The following EIF4G3 variants were observed in gnomAD, a reference collection of about 807,000 sequenced individuals.
EIF4G3 encodes the protein eIF-4-gamma 3.
EIF4G3 carries 34 observed loss-of-function variants against 186.4 expected under a neutral mutation model. That is an observed-to-expected ratio of 0.18 (90% CI 0.14 to 0.24). The LOEUF (loss-of-function observed/expected upper bound fraction) is 0.24, where lower values mean the gene tolerates loss of function less well. Ranked by LOEUF, EIF4G3 falls within the 10% of genes least tolerant of loss-of-function variation. EIF4G3 has a pLI of 1.00. For synonymous variants in EIF4G3, 673 were observed against 679.5 expected, an observed-to-expected ratio of 0.99 and a Z score of 0.15; for missense variants, 1,536 against 1,948.5, an observed-to-expected ratio of 0.79 and a Z score of 3.99.
At chr1:21,025,443 G>C (rs903559269) in intron 4 of EIF4G3, among the ~76,000 whole-genome samples, 5 of 150,844 alleles carry the variant, frequency 3.3e-5, no homozygotes, top group Admixed American at 1.3e-4. Context: ...AGTGGATCTC[G>C]ACAGAAAAAA....
chr1:20,847,415 A>G (rs2071503456), intron 29 of EIF4G3, among the ~76,000 whole-genome samples: 1 of 152,124 alleles, frequency 6.6e-6, no homozygotes, highest in Admixed American at 6.6e-5. Flanking sequence ...ATGATTCTCC[A>G]AAGAGTCCTC....
intron 2 of EIF4G3, among the ~76,000 whole-genome samples, chr1:21,123,997 A>T (rs1055314955): frequency 1.3e-5 from 2 of 152,112 alleles, no homozygotes; most frequent in Admixed American, 6.5e-5. Flanking sequence ...TCTTCCTCAA[A>T]TTCAAGGTGT....
At position 21,058,421 on chromosome 1, in the gene EIF4G3, T is replaced by A. The variant is rs6670854; in HGVS notation, c.-195-7427A>T. Among the ~76,000 whole-genome samples, 1,049 of 152,226 alleles carry A rather than the reference T, an allele frequency of 6.9e-3. 10 individuals are homozygous for A. Among genetic ancestry groups the A allele is most frequent in the African/African-American group, 0.024 (1,005 of 41,514 alleles). ...AATTGTCCTGACTTCCCATACACAC[T>A]ACAAGCCAAATAAACCATATATTGG... On this transcript the variant is annotated intron_variant, in intron 3 of 36. Coordinates refer to ENST00000602326, the MANE Select transcript of EIF4G3 (RefSeq NM_001391906.1).
chr1:21,059,834 G>A (rs2094792803), intron 3 of EIF4G3, among the ~76,000 whole-genome samples: 1 of 152,100 alleles, frequency 6.6e-6, no homozygotes, highest in South Asian at 2.1e-4. Flanking sequence ...AAAATTGGAG[G>A]GTCAGTAACA....
chr1:20,883,164 AAC>A (rs1373682593), intron 19 of EIF4G3, among the ~76,000 whole-genome samples: 1 of 152,206 alleles, frequency 6.6e-6, no homozygotes, highest in African/African-American at 2.4e-5. Context: ...TGAAGCACGA[AAC>A]ACAGTTATTG....
In EIF4G3 at chr1:20,886,225, A is replaced by G. The variant is rs779983311; in HGVS notation, c.2400T>C (p.Asp800=). The G allele has an allele frequency of 7.3e-5, 117 of 1,613,708 alleles. No individual in the cohort carries two copies. Among genetic ancestry groups the G allele is most frequent in the Non-Finnish European group, 9.6e-5 (113 of 1,179,850 alleles). The change falls in exon 19 of 37, where the codon GAT becomes GAC. Residue 800 remains aspartate, a synonymous_variant. Coordinates refer to ENST00000602326, the MANE Select transcript of EIF4G3 (RefSeq NM_001391906.1). Reference sequence around the variant, plus strand: ...CCTGGGTTTTAATGTTTTCGGGATCATCGGCTTGGCTGTCTCGTTTTTGGC... The same window carrying G: ...CCTGGGTTTTAATGTTTTCGGGATCGTCGGCTTGGCTGTCTCGTTTTTGGC... The part of the protein sequence containing the change: ...KPSQKRDSQA[D]DPENIKTQEL...
At chr1:21,104,594 C>T (rs774359445) in intron 2 of EIF4G3, among the ~76,000 whole-genome samples, 3 of 152,120 alleles carry the variant, frequency 2.0e-5, no homozygotes, top group Non-Finnish European at 4.4e-5. Flanking sequence ...TGTTGCGGAG[C>T]AAAGGGAATG....
intron 20 of EIF4G3, among the ~76,000 whole-genome samples, chr1:20,873,067 C>A (rs1219085470): frequency 6.6e-6 from 1 of 152,134 alleles, no homozygotes; most frequent in Non-Finnish European, 1.5e-5. Flanking sequence ...AAACATGCAA[C>A]CTTTAACACT....
chr1:20,829,115 G>A (rs144533660), intron 31 of EIF4G3, 32 bp downstream of exon 31: 26 of 1,610,510 alleles, frequency 1.6e-5, no homozygotes, highest in Non-Finnish European at 2.0e-5. Context: ...AGTTCTACCT[G>A]ATATATATCA....
At chr1:20,864,448 G>T (rs562899319) in intron 22 of EIF4G3, 28 bp downstream of exon 22, 1 of 1,560,804 alleles carries the variant, frequency 6.4e-7, no homozygotes, top group South Asian at 1.1e-5. Flanking sequence ...GAGCCTTTGC[G>T]AAGGTTTCTG....
chr1:21,011,663 C>T (rs1456214952), intron 4 of EIF4G3, among the ~76,000 whole-genome samples: 1 of 152,194 alleles, frequency 6.6e-6, no homozygotes, highest in Non-Finnish European at 1.5e-5. Flanking sequence ...CTATTAATAG[C>T]CACAAATATC....
chr1:20,814,831 G>C (rs1410063555), intron 34 of EIF4G3, among the ~76,000 whole-genome samples: 6 of 105,372 alleles, frequency 5.7e-5, no homozygotes, highest in Non-Finnish European at 9.3e-5. Flanking sequence ...CTCTGATGCC[G>C]AGCCAAAGCT....
At chr1:21,165,854 G>A (rs1206488707) in intron 2 of EIF4G3, among the ~76,000 whole-genome samples, 1 of 151,902 alleles carries the variant, frequency 6.6e-6, no homozygotes, top group Non-Finnish European at 1.5e-5. Context: ...TCTCAATAAA[G>A]CTGTTTTTTA....
At chr1:21,071,282 T>A (rs75372282) in intron 3 of EIF4G3, among the ~76,000 whole-genome samples, 1 of 152,074 alleles carries the variant, frequency 6.6e-6, no homozygotes, top group Non-Finnish European at 1.5e-5. Context: ...CATGACGACA[T>A]GCACCTGTAG....
chr1:20,998,735 A>C, intron 6 of EIF4G3: 1 of 270,038 alleles, frequency 3.7e-6, no homozygotes, highest in Non-Finnish European at 7.6e-6. Flanking sequence ...GGGTATGTAG[A>C]GCCATATTGT....
intron 7 of EIF4G3, among the ~76,000 whole-genome samples, chr1:20,985,023 AAC>A (rs1173545519): frequency 1.3e-5 from 2 of 152,210 alleles, no homozygotes; most frequent in African/African-American, 4.8e-5. Flanking sequence ...CTGTAACTAA[AAC>A]ACAGTCAGAT....
chr1:20,980,029 C>T (rs1037599839), intron 10 of EIF4G3, among the ~76,000 whole-genome samples: 9 of 152,128 alleles, frequency 5.9e-5, no homozygotes, highest in Admixed American at 2.6e-4. Flanking sequence ...TGAGCCACCG[C>T]GCCCAGCCAA....
chr1:21,002,607 A>G (rs2154569003), intron 5 of EIF4G3, 106 bp downstream of exon 5: 1 of 1,207,010 alleles, frequency 8.3e-7, no homozygotes, highest in Admixed American at 2.5e-5. Context: ...CATCTTTGGA[A>G]CAAACTTCCA....
At chr1:21,036,557 C>T (rs2093218509) in intron 4 of EIF4G3, among the ~76,000 whole-genome samples, 1 of 152,096 alleles carries the variant, frequency 6.6e-6, no homozygotes. Context: ...TTCTTTATAC[C>T]TAGCCACCAT....
Sources: gnomAD v4.1 joint callset for allele counts (sites outside exome capture counted in the v4.1 genomes callset) on GRCh38, gnomAD v4.1.1 for gene constraint, MANE v1.5 for transcripts, NCBI Gene and HGNC (gene_info 2026-07-23, HGNC 2026-07-21) for gene names.